The following PUM1 variants were observed in gnomAD, a reference collection of about 807,000 sequenced individuals.
PUM1 encodes the protein pumilio homolog 1.
In PUM1, 13 loss-of-function variants were observed where a neutral mutation model predicts 131.8. The ratio of observed to expected loss-of-function variants is 0.10; its 90% CI spans 0.06 to 0.16. The LOEUF (loss-of-function observed/expected upper bound fraction) is 0.16, where lower values mean the gene tolerates loss of function less well. Among genes scored for constraint, PUM1 ranks in the 10% least tolerant of loss-of-function variants. PUM1 has a pLI of 1.00. For synonymous variants in PUM1, 509 were observed against 556.5 expected (o/e 0.91, Z 1.20); for missense variants, 961 against 1,512.4 (o/e 0.64, Z 6.05).
At chr1:30,980,622 T>G (rs928191365) in intron 8 of PUM1, among the ~76,000 whole-genome samples, 1 of 152,146 alleles carries the variant, frequency 6.6e-6, no homozygotes, top group African/African-American at 2.4e-5. Context: ...TGCCTGGCCT[T>G]TATTTATTTA....
At position 30,936,808 on chromosome 1, in the gene PUM1, G is replaced by A. The variant is rs141661422; in HGVS notation, c.3270C>T (p.His1090=). 83 of 1,612,534 alleles carry A rather than the reference G, an allele frequency of 5.1e-5. No homozygotes were observed. The highest frequency in any genetic ancestry group is 1.2e-4 in the African/African-American group (9 of 74,860). Residue 1090 remains histidine, a synonymous_variant, in exon 21 of 22, where the codon CAC becomes CAT. Coordinates refer to ENST00000426105, the MANE Select transcript of PUM1 (RefSeq NM_001020658.2). ...GCACAGCGCGCTCCGTACGTGAGGC[G>A]TGAGTAACACACTTCTCCACAACAT... is the stretch of plus-strand genomic sequence containing the variant. ...ASNVVEKCVT[H]ASRTERAVLI...
rs369041586 is a variant in PUM1 at position 31,036,313 on chromosome 1, C to T, written c.364-7449G>A. ...TCTTGAACTCCGACCTCATGATCCGCCTGCCTCGGCCTCCCAAAGTGCTGG... is the reference window on the plus strand; with the variant it reads ...TCTTGAACTCCGACCTCATGATCCGTCTGCCTCGGCCTCCCAAAGTGCTGG... On this transcript the variant is annotated intron_variant, in intron 2 of 21. Transcript: ENST00000426105. 7.6e-4 allele frequency among the ~76,000 whole-genome samples: 116 copies of T among 152,244 alleles called. 1 individual carries two copies. The highest frequency in any genetic ancestry group is 2.6e-3 in the African/African-American group (110 of 41,572).
At chr1:30,967,131 G>T (rs1311941866) in intron 12 of PUM1, 36 bp downstream of exon 12, 1 of 1,607,302 alleles carries the variant, frequency 6.2e-7, no homozygotes, top group African/African-American at 1.3e-5. Flanking sequence ...GCCACTTTTA[G>T]ATCTCTGGCA....
intron 3 of PUM1, among the ~76,000 whole-genome samples, chr1:31,009,767 C>CAAAAAAAAAA (rs751375199): frequency 7.3e-5 from 4 of 54,672 alleles, no homozygotes; most frequent in East Asian, 6.7e-4. Context: ...GACTCTGTCT[C>CAAAAAAAAAA]AAAAAAAAAA....
chr1:30,934,467 C>T (rs72657272), intron 21 of PUM1, among the ~76,000 whole-genome samples: 14,962 of 152,062 alleles, frequency 0.098, 986 homozygotes, highest in Non-Finnish European at 0.15. Flanking sequence ...AGGGTTGATC[C>T]GGTCTAGAAA....
At chr1:30,989,486 C>T (rs1263287004) in intron 7 of PUM1, among the ~76,000 whole-genome samples, 2 of 142,840 alleles carry the variant, frequency 1.4e-5, no homozygotes, top group African/African-American at 2.6e-5. Flanking sequence ...GCAGGAGAAT[C>T]GCTTGAACCC....
intron 2 of PUM1, among the ~76,000 whole-genome samples, chr1:31,035,541 C>T (rs1643580284): frequency 6.6e-6 from 1 of 152,066 alleles, no homozygotes; most frequent in Admixed American, 6.5e-5. Flanking sequence ...CACCTGAGGT[C>T]AGGAGGTCGA....
At chr1:31,014,561 G>A (rs1448022705) in intron 3 of PUM1, among the ~76,000 whole-genome samples, 1 of 151,902 alleles carries the variant, frequency 6.6e-6, no homozygotes, top group Non-Finnish European at 1.5e-5. Context: ...GCTGAGGCGG[G>A]CGGATTGCTT....
chr1:30,964,418 G>T (rs1364029376), intron 14 of PUM1, among the ~76,000 whole-genome samples: 7 of 152,052 alleles, frequency 4.6e-5, no homozygotes, highest in Admixed American at 4.6e-4. Context: ...TACTCTCACA[G>T]GTAGCCAAAG....
chr1:30,985,585 G>C (rs190873883), intron 7 of PUM1, among the ~76,000 whole-genome samples: 4 of 145,138 alleles, frequency 2.8e-5, no homozygotes, highest in Non-Finnish European at 5.9e-5. Context: ...CCAGGAGGCG[G>C]AAGTTGAGGT....
At chr1:31,008,410 AC>A (rs1014109005) in intron 3 of PUM1, among the ~76,000 whole-genome samples, 17 of 150,144 alleles carry the variant, frequency 1.1e-4, no homozygotes, top group African/African-American at 2.2e-4. Flanking sequence ...AAAAAAAAAA[AC>A]ATTTGTCTGG....
Position 31,005,525 on chromosome 1 carries a change from C to T in PUM1, c.720+328G>A, listed in dbSNP as rs535959331. On this transcript the variant is annotated intron_variant, in intron 5 of 21. Coordinates refer to ENST00000426105, the MANE Select transcript of PUM1 (RefSeq NM_001020658.2). ...TTTATTTTTTTAATTCCTTCACCAC[C>T]CCCCTTTTGCTTTTATTTTAAAGTA... 5.3e-5 allele frequency among the ~76,000 whole-genome samples: 8 copies of T among 152,122 alleles called. No homozygotes were observed. In the South Asian group the frequency reaches 1.7e-3, roughly 32 times the overall value.
chr1:31,034,042 C>T (rs569852382), intron 2 of PUM1, among the ~76,000 whole-genome samples: 1 of 152,184 alleles, frequency 6.6e-6, no homozygotes, highest in Non-Finnish European at 1.5e-5. Context: ...TACAATTTAT[C>T]CATTTTTCAA....
At chr1:31,011,802 G>C (rs1440588395) in intron 3 of PUM1, among the ~76,000 whole-genome samples, 3 of 152,096 alleles carry the variant, frequency 2.0e-5, no homozygotes, top group Non-Finnish European at 4.4e-5. Flanking sequence ...TTTTTGACAA[G>C]GCGAAAAGTA....
chr1:31,008,486 G>A (rs1476874250), intron 3 of PUM1, among the ~76,000 whole-genome samples: 1 of 152,084 alleles, frequency 6.6e-6, no homozygotes, highest in East Asian at 1.9e-4. Context: ...AGTCTTCCTG[G>A]TGTACCACTT....
intron 3 of PUM1, 41 bp downstream of exon 3, chr1:31,028,755 T>G: frequency 6.6e-7 from 1 of 1,524,846 alleles, no homozygotes; most frequent in Non-Finnish European, 9.1e-7. Context: ...CAACCTTCCC[T>G]TAAAAACAGA....
intron 3 of PUM1, among the ~76,000 whole-genome samples, chr1:31,019,487 C>T (rs1642944438): frequency 6.6e-6 from 1 of 152,212 alleles, no homozygotes; most frequent in East Asian, 1.9e-4. Flanking sequence ...AAGAATACAA[C>T]CCTGTCTGTC....
intron 20 of PUM1, among the ~76,000 whole-genome samples, chr1:30,937,973 T>C (rs999282741): frequency 1.3e-5 from 2 of 152,084 alleles, no homozygotes; most frequent in African/African-American, 4.8e-5. Context: ...GGTTTCACCA[T>C]GTTGGTCAGG....
chr1:31,052,526 G>C (rs935416011), intron 2 of PUM1, among the ~76,000 whole-genome samples: 1 of 151,184 alleles, frequency 6.6e-6, no homozygotes, highest in Non-Finnish European at 1.5e-5. Flanking sequence ...ACCATGCCCA[G>C]CTAATTTTTT....
Sources: allele counts gnomAD v4.1 joint callset (sites outside exome capture counted in the v4.1 genomes callset), GRCh38; gene constraint gnomAD v4.1.1; transcripts MANE v1.5; gene names NCBI Gene and HGNC (gene_info 2026-07-23, HGNC 2026-07-21).